The following PPP1R12C variants were observed in gnomAD, a reference collection of about 807,000 sequenced individuals.
PPP1R12C encodes the protein leukocyte receptor cluster (LRC) encoded novel gene 3.
In PPP1R12C, 48 loss-of-function variants were observed where a neutral mutation model predicts 95.6. The ratio of observed to expected loss-of-function variants is 0.50; its 90% confidence interval spans 0.40 to 0.64. The LOEUF (loss-of-function observed/expected upper bound fraction) is 0.64. PPP1R12C is among the 30% of genes least tolerant of loss of function. The pLI, the probability that PPP1R12C is intolerant of heterozygous loss-of-function variation, is 0.00. For synonymous variants in PPP1R12C, 480 were observed against 460.8 expected (o/e 1.04, Z -0.53); for missense variants, 1,057 against 1,083.3 (o/e 0.98, Z 0.34).
intron 19 of PPP1R12C, 119 bp downstream of exon 19, chr19:55,092,103 G>A (rs566865348): frequency 4.6e-6 from 5 of 1,085,608 alleles, no homozygotes; most frequent in East Asian, 2.6e-5. Flanking sequence ...TCTCGGCCCC[G>A]CCCCTCAAGT....
chr19:55,104,789 A>C (rs1177723137), intron 3 of PPP1R12C, among the ~76,000 whole-genome samples: 2 of 151,080 alleles, frequency 1.3e-5, no homozygotes, highest in African/African-American at 4.9e-5. Flanking sequence ...CCATATATAT[A>C]TATATATGGT....
Position 55,092,328 on chromosome 19 carries a change from T to TG in PPP1R12C, c.2056-3dup. 6.3e-7 allele frequency: 1 copy of TG among 1,588,002 alleles called. No individual in the cohort carries two copies. Among genetic ancestry groups the TG allele is most frequent in the Non-Finnish European group, 8.6e-7 (1 of 1,165,446 alleles). ...CTCCCTGCGCAGCTCTGCATACAGC[T>TG]GGGGGTCAGGTAGAGGAGGGTCAGG... is the stretch of plus-strand genomic sequence containing the variant. On this transcript the variant is annotated splice_polypyrimidine_tract_variant and splice_region_variant and intron_variant, in intron 18 of 21. Transcript: ENST00000263433.
chr19:55,096,320 C>T lies in PPP1R12C; in HGVS notation c.967G>A (p.Glu323Lys), dbSNP rs1325419638. 11 of 1,613,578 alleles carry T rather than the reference C, an allele frequency of 6.8e-6. No individual in the cohort carries two copies. Among genetic ancestry groups the T allele is most frequent in the Non-Finnish European group, 9.3e-6 (11 of 1,179,918 alleles). ...RKQEDLRNQK[E>K]ASQSRGQEPQ... The stretch of plus-strand genomic sequence containing the variant: ...TCCTGGCCCCGGCTCTGGGAAGCTT[C>T]TTTTTGGTTCCGAAGCTGCAAGGAG... Residue 323 changes from glutamate to lysine, a missense_variant, in exon 7 of 22, where the codon GAA becomes AAA. Glu to Lys is a moderately conservative substitution (Grantham distance 56). Around this residue, in one of 5 missense-constraint regions of PPP1R12C, gnomAD observed 356 missense variants for 330.5 expected, o/e 1.08. Transcript: ENST00000263433.
At chr19:55,104,091 A>T (rs1382529389) in intron 3 of PPP1R12C, among the ~76,000 whole-genome samples, 1 of 141,156 alleles carries the variant, frequency 7.1e-6, no homozygotes, top group Non-Finnish European at 1.5e-5. Context: ...TGAACCCGGG[A>T]GTTGGAGGTT....
At position 55,092,526 on chromosome 19, in the gene PPP1R12C, G is replaced by C. The variant is rs778231085; in HGVS notation, c.1971C>G (p.Pro657=). The C allele has an allele frequency of 8.1e-6, 13 of 1,606,520 alleles. No homozygotes were observed. Among genetic ancestry groups the C allele is most frequent in the South Asian group, 2.2e-5 (2 of 90,138 alleles). Residue 657 remains proline, a synonymous_variant, in exon 18 of 22, where the codon CCC becomes CCG. Transcript: ENST00000263433. Reference sequence around the variant, plus strand: ...GCTGCCACCGCTGCCTGCGGGCCGAGGGGCCGCCCTCCAGGGTGCTGGGGC... The same window carrying C: ...GCTGCCACCGCTGCCTGCGGGCCGACGGGCCGCCCTCCAGGGTGCTGGGGC... ...SQESSTLEGG[P]SARRQRWQRD...
intron 3 of PPP1R12C, 33 bp downstream of exon 3, chr19:55,112,434 C>T: frequency 6.4e-7 from 1 of 1,573,276 alleles, no homozygotes; most frequent in African/African-American, 1.3e-5. Flanking sequence ...GAGGAGGTGT[C>T]CCCCACCCCA....
At chr19:55,117,077 G>T in intron 1 of PPP1R12C, 146 bp downstream of exon 1, 1 of 638,728 alleles carries the variant, frequency 1.6e-6, no homozygotes, top group Non-Finnish European at 2.2e-6. Flanking sequence ...AAGGGGGACT[G>T]GGACGGGGTG....
Position 55,112,797 on chromosome 19 carries a change from T to TG in PPP1R12C, c.322-3dup. 1 of 1,610,598 alleles carries TG rather than the reference T, an allele frequency of 6.2e-7. No homozygotes were observed. The highest frequency in any genetic ancestry group is 8.5e-7 in the Non-Finnish European group (1 of 1,179,372). On this transcript the variant is annotated splice_polypyrimidine_tract_variant and splice_region_variant and intron_variant, in intron 1 of 21. Transcript: ENST00000263433. ...CTCCAGGTTCTCATCAATGCAGGCC[T>TG]GGGGGTGGGAAACAGCCGTCAGCCG...
chr19:55,103,779 C>T (rs2085003846), intron 3 of PPP1R12C, among the ~76,000 whole-genome samples: 1 of 152,006 alleles, frequency 6.6e-6, no homozygotes, highest in African/African-American at 2.4e-5. Context: ...TCTGAGTCAG[C>T]GCTAAGCACT....
intron 4 of PPP1R12C, 131 bp from the exon 5 acceptor site, chr19:55,099,226 G>T: frequency 9.1e-7 from 1 of 1,096,754 alleles, no homozygotes; most frequent in Non-Finnish European, 1.3e-6. Flanking sequence ...CTGGTAAAGA[G>T]CCACTGCCCA....
chr19:55,113,647 A>C, intron 1 of PPP1R12C: 1 of 1,231,196 alleles, frequency 8.1e-7, no homozygotes, highest in South Asian at 2.9e-5. Flanking sequence ...CCACGGGATA[A>C]ATTACCCCCC....
intron 15 of PPP1R12C, 61 bp downstream of exon 15, chr19:55,092,955 G>T: frequency 6.4e-7 from 1 of 1,574,008 alleles, no homozygotes; most frequent in Admixed American, 1.8e-5. Flanking sequence ...AGGAAAGCAA[G>T]AAGACTATGG....
At chr19:55,104,250 T>C (rs566562755) in intron 3 of PPP1R12C, among the ~76,000 whole-genome samples, 80 of 143,780 alleles carry the variant, frequency 5.6e-4, no homozygotes, top group African/African-American at 2.0e-3. Context: ...TTTATATATA[T>C]AATATATATA....
chr19:55,117,615 C>G lies in PPP1R12C; in HGVS notation c.-72G>C, dbSNP rs1401340039. Reference sequence around the variant, plus strand: ...CGCCGCCACCACCCGCCCGCCCGCCCGCCCCGGGGGCCGCCGGGAACTGCC... The same window carrying G: ...CGCCGCCACCACCCGCCCGCCCGCCGGCCCCGGGGGCCGCCGGGAACTGCC... On this transcript the variant is annotated 5_prime_UTR_variant, in exon 1 of 22. Coordinates refer to ENST00000263433, the MANE Select transcript of PPP1R12C (RefSeq NM_017607.4). The G allele has an allele frequency of 3.3e-6, 3 of 922,048 alleles. No homozygotes were observed. In the African/African-American group the frequency reaches 5.5e-5, roughly 17 times the overall value. The allele number at this position is 922,048 out of a possible 1,614,324, so 57.1% of individuals were successfully genotyped here.
intron 19 of PPP1R12C, 95 bp downstream of exon 19, chr19:55,092,127 G>A (rs2084849583): frequency 9.7e-6 from 12 of 1,232,562 alleles, no homozygotes; most frequent in Non-Finnish European, 1.3e-5. Context: ...GCCCAGCCCC[G>A]CCGGCACCCC....
intron 11 of PPP1R12C, chr19:55,095,012 G>A: frequency 1.4e-6 from 1 of 703,474 alleles, no homozygotes; most frequent in Non-Finnish European, 2.4e-6. Context: ...AGCAGTGCGA[G>A]AACTGAGAGC....
rs767256551 is a variant in PPP1R12C, at chr19:55,096,175, G to A, written c.1029C>T (p.Ser343=). Residue 343 remains serine (S), a synonymous_variant, in exon 8 of 22, where the codon AGC becomes AGT. Transcript: ENST00000263433. The part of the protein sequence containing the change: ...QAPSSSKHRR[S]SVCRLSSREK... The stretch of plus-strand genomic sequence containing the variant: ...CGCGACTGCTCAGACGACACACAGA[G>A]CTCCTGTTGGGGAAGGAGAGGGTGC... 9.3e-6 allele frequency: 15 copies of A among 1,606,964 alleles called. No individual in the cohort carries two copies. Among genetic ancestry groups the A allele is most frequent in the Non-Finnish European group, 1.3e-5 (15 of 1,175,706 alleles).
intron 3 of PPP1R12C, among the ~76,000 whole-genome samples, chr19:55,107,494 C>T (rs543408055): frequency 6.6e-6 from 1 of 152,216 alleles, no homozygotes; most frequent in African/African-American, 2.4e-5. Flanking sequence ...AAGTGTGGCA[C>T]ATATACACCA....
chr19:55,106,764 A>T (rs1051232977), intron 3 of PPP1R12C, among the ~76,000 whole-genome samples: 2 of 151,970 alleles, frequency 1.3e-5, no homozygotes, highest in African/African-American at 4.8e-5. Flanking sequence ...CCTCACCCAC[A>T]CTTTGCCCCA....
Sources: gnomAD v4.1 joint callset for allele counts (sites outside exome capture counted in the v4.1 genomes callset) on GRCh38, gnomAD v4.1.1 for gene constraint, gnomAD v4.1.1 regional missense constraint, MANE v1.5 for transcripts, NCBI Gene and HGNC (gene_info 2026-07-23, HGNC 2026-07-21) for gene names.